The following DLG2 variants were observed in gnomAD, a reference collection of about 807,000 sequenced individuals.
DLG2 encodes the protein disks large homolog 2.
DLG2 carries 45 observed loss-of-function variants against 132.5 expected under a neutral mutation model. That is an observed-to-expected ratio of 0.34 (90% CI 0.27 to 0.44). DLG2 has a LOEUF of 0.44. Among genes scored for constraint, DLG2 ranks in the 20% least tolerant of loss-of-function variants. The pLI, the probability that DLG2 is intolerant of heterozygous loss-of-function variation, is 1.00. For synonymous variants in DLG2, 424 were observed against 419.6 expected, an observed-to-expected ratio of 1.01 and a Z score of -0.13; for missense variants, 1,045 against 1,196.9, an observed-to-expected ratio of 0.87 and a Z score of 1.87.
chr11:84,327,791 T>G (rs2098439807), intron 7 of DLG2, among the ~76,000 whole-genome samples: 2 of 152,250 alleles, frequency 1.3e-5, no homozygotes, highest in Non-Finnish European at 2.9e-5. Flanking sequence ...TATTTTTTAC[T>G]TATGGTTATT....
intron 4 of DLG2, among the ~76,000 whole-genome samples, chr11:85,170,090 G>A (rs2078733456): frequency 6.6e-6 from 1 of 152,124 alleles, no homozygotes; most frequent in Non-Finnish European, 1.5e-5. Flanking sequence ...TTACATGGCA[G>A]CGAGCCATCA....
chr11:85,374,895 G>A (rs967393370), intron 3 of DLG2, among the ~76,000 whole-genome samples: 11 of 151,988 alleles, frequency 7.2e-5, no homozygotes, highest in Non-Finnish European at 1.6e-4. Flanking sequence ...TTGTTCTTAG[G>A]AGATATATAC....
chr11:84,877,138 G>C (rs1434248138), intron 6 of DLG2, among the ~76,000 whole-genome samples: 1 of 152,104 alleles, frequency 6.6e-6, no homozygotes, highest in Non-Finnish European at 1.5e-5. Flanking sequence ...GCGTGATGTG[G>C]TGCTGAGAAG....
chr11:84,322,405 A>T (rs1481484836), intron 7 of DLG2, among the ~76,000 whole-genome samples: 1 of 152,154 alleles, frequency 6.6e-6, no homozygotes, highest in African/African-American at 2.4e-5. Context: ...TAAAAGCTGC[A>T]CTTCCTGGCA....
intron 6 of DLG2, among the ~76,000 whole-genome samples, chr11:84,861,140 C>A (rs115854343): frequency 6.6e-6 from 1 of 152,038 alleles, no homozygotes; most frequent in Admixed American, 6.6e-5. Flanking sequence ...AAAGGACATA[C>A]GCTTCTGTTG....
chr11:83,803,139 A>ACATT (rs534224579), intron 17 of DLG2, among the ~76,000 whole-genome samples: 154 of 152,268 alleles, frequency 1.0e-3, no homozygotes, highest in Non-Finnish European at 1.6e-3. Flanking sequence ...AAATTTTCAA[A>ACATT]CATTGCATTA....
At chr11:83,620,000 G>A (rs189743040) in intron 19 of DLG2, among the ~76,000 whole-genome samples, 78 of 152,270 alleles carry the variant, frequency 5.1e-4, no homozygotes, top group African/African-American at 1.9e-3. Flanking sequence ...GAGGGCATTA[G>A]AAGCTATTAA....
At chr11:84,026,348 A>G (rs2095534532) in intron 11 of DLG2, among the ~76,000 whole-genome samples, 1 of 152,126 alleles carries the variant, frequency 6.6e-6, no homozygotes, top group African/African-American at 2.4e-5. Flanking sequence ...AATTAGGACC[A>G]TACTAGACTC....
intron 7 of DLG2, among the ~76,000 whole-genome samples, chr11:84,371,997 G>A (rs1052217707): frequency 6.6e-6 from 1 of 152,150 alleles, no homozygotes; most frequent in African/African-American, 2.4e-5. Flanking sequence ...AGATCTTCTT[G>A]TTAGGTGTCA....
intron 7 of DLG2, among the ~76,000 whole-genome samples, chr11:84,307,133 T>C (rs1325755553): frequency 2.0e-5 from 3 of 152,086 alleles, no homozygotes; most frequent in Non-Finnish European, 4.4e-5. Context: ...ATAAAGAAAA[T>C]GTGTACATTG....
At chr11:84,791,368 C>T (rs1199743582) in intron 6 of DLG2, among the ~76,000 whole-genome samples, 3 of 152,204 alleles carry the variant, frequency 2.0e-5, no homozygotes, top group Non-Finnish European at 4.4e-5. Context: ...AATTTGAAGT[C>T]AGGTAATGTG....
At chr11:85,108,616 A>G (rs2072204131) in intron 6 of DLG2, among the ~76,000 whole-genome samples, 1 of 152,020 alleles carries the variant, frequency 6.6e-6, no homozygotes, top group African/African-American at 2.4e-5. Flanking sequence ...TTTTTTAAAT[A>G]TACCCAAGTG....
In DLG2 at chr11:83,864,456, T is replaced by G. The variant is rs144421371; in HGVS notation, c.1565+9964A>C. Among the ~76,000 whole-genome samples, 172 of 152,314 alleles carry G rather than the reference T, an allele frequency of 1.1e-3. 2 individuals are homozygous for G. In the South Asian group the frequency reaches 0.022, roughly 19 times the overall value. Reference sequence around the variant, plus strand: ...ATAAGAAGTTAATCAATCAAATCAATGACTGAATGAATAAATGGTGCTTGT... The same window carrying G: ...ATAAGAAGTTAATCAATCAAATCAAGGACTGAATGAATAAATGGTGCTTGT... On this transcript the variant is annotated intron_variant, in intron 16 of 27. Coordinates refer to ENST00000376104, the MANE Select transcript of DLG2 (RefSeq NM_001142699.3).
At chr11:83,738,601 A>G (rs2092218406) in intron 18 of DLG2, among the ~76,000 whole-genome samples, 1 of 152,216 alleles carries the variant, frequency 6.6e-6, no homozygotes, top group African/African-American at 2.4e-5. Context: ...GCTCTGTACA[A>G]TAAGGGACAG....
intron 11 of DLG2, among the ~76,000 whole-genome samples, chr11:84,052,274 CAT>C (rs1030992336): frequency 3.3e-5 from 5 of 151,756 alleles, no homozygotes; most frequent in South Asian, 2.1e-4. Context: ...ATACACATAA[CAT>C]AAATATATTT....
At chr11:83,653,017 CCAGT>C (rs1218202852) in intron 18 of DLG2, among the ~76,000 whole-genome samples, 1 of 152,114 alleles carries the variant, frequency 6.6e-6, no homozygotes, top group Non-Finnish European at 1.5e-5. Context: ...TGAAATATGC[CCAGT>C]CACACAGCTA....
rs187604398 is a variant in DLG2 at position 84,991,178 on chromosome 11, G to A, written c.357+120483C>T. On this transcript the variant is annotated intron_variant, in intron 6 of 27. Transcript: ENST00000376104. Reference sequence around the variant, plus strand: ...AAATTACAGAAATGGGGATTCGATCGGTGGTTGCCAGAGATTAAGTATAAG... The same window carrying A: ...AAATTACAGAAATGGGGATTCGATCAGTGGTTGCCAGAGATTAAGTATAAG... 7.4e-4 allele frequency among the ~76,000 whole-genome samples: 113 copies of A among 152,210 alleles called. 1 individual carries two copies. Among genetic ancestry groups the A allele is most frequent in the African/African-American group, 2.3e-3 (97 of 41,532 alleles).
rs189702210 is a variant in DLG2 at position 83,959,571 on chromosome 11, C to T, written c.1340+3314G>A. ...AGAGCCTTCTAAAAATGACAACATT[C>T]GTGCATGTTAACATATTAAAACTTC... is the stretch of plus-strand genomic sequence containing the variant. On this transcript the variant is annotated intron_variant, in intron 14 of 27. Coordinates refer to ENST00000376104, the MANE Select transcript of DLG2 (RefSeq NM_001142699.3). Among the ~76,000 whole-genome samples the T allele has an allele frequency of 4.1e-3, 625 of 152,158 alleles. 2 individuals are homozygous for T. The highest frequency in any genetic ancestry group is 0.014 in the African/African-American group (586 of 41,530).
intron 6 of DLG2, among the ~76,000 whole-genome samples, chr11:84,607,397 A>G (rs2099587730): frequency 6.6e-6 from 1 of 152,116 alleles, no homozygotes; most frequent in Non-Finnish European, 1.5e-5. Context: ...CTTGATGCAT[A>G]GCCTTGCTTG....
Sources: gnomAD v4.1 joint callset for allele counts (sites outside exome capture counted in the v4.1 genomes callset) on GRCh38, gnomAD v4.1.1 for gene constraint, MANE v1.5 for transcripts, NCBI Gene and HGNC (gene_info 2026-07-23, HGNC 2026-07-21) for gene names.